OR51I1: variants seen among roughly 807,000 people sequenced by gnomAD.
The protein encoded by OR51I1 is olfactory receptor family 51 subfamily I member 1.
OR51I1 carries 5 observed loss-of-function variants against 6.9 expected under a neutral mutation model. The observed-to-expected ratio is 0.73, with a 90% CI of 0.38 to 1.52. The LOEUF (loss-of-function observed/expected upper bound fraction) is 1.52. Among genes scored for constraint, OR51I1 ranks in the 40% most tolerant of loss-of-function variants. OR51I1 has a pLI of 0.03. For synonymous variants in OR51I1, 183 were observed against 140.3 expected, an observed-to-expected ratio of 1.30 and a Z score of -2.15; for missense variants, 465 against 388.5, an observed-to-expected ratio of 1.20 and a Z score of -1.66.
Position 5,440,945 on chromosome 11 carries a change from T to C in OR51I1, c.570A>G (p.Ala190=). The change falls in exon 1 of 1, where the codon GCA becomes GCG. Residue 190 remains alanine, a synonymous_variant. Coordinates refer to ENST00000380211, the MANE Select transcript of OR51I1 (RefSeq NM_001005288.3). ...YCLHPDLMKV[A]CGDIHVNNIY... is the part of the protein sequence containing the mutation. ...TGTTGTTAACATGGATGTCTCCACATGCTACTTTCATGAGATCTGGATGGA... is the reference window on the plus strand; with the variant it reads ...TGTTGTTAACATGGATGTCTCCACACGCTACTTTCATGAGATCTGGATGGA... The C allele has an allele frequency of 6.2e-7, 1 of 1,613,944 alleles. No homozygotes were observed. Among genetic ancestry groups the C allele is most frequent in the Non-Finnish European group, 8.5e-7 (1 of 1,179,936 alleles).
In OR51I1 at chr11:5,440,819, G is replaced by A; in HGVS notation, c.696C>T (p.Ser232=). Residue 232 remains serine, a synonymous_variant, in exon 1 of 1, where the codon TCC becomes TCT. Transcript: ENST00000380211. ...TGAGTGCCTTGAGCCGCTGTTCCTG[G>A]GATATGATGACCAGCATGGCTCTCA... The part of the protein sequence containing the change: ...LILRAMLVII[S]QEQRLKALNT... 1 of 1,613,846 alleles carries A rather than the reference G, an allele frequency of 6.2e-7. No individual in the cohort carries two copies. The highest frequency in any genetic ancestry group is 8.5e-7 in the Non-Finnish European group (1 of 1,179,914).
chr11:5,440,782 A>G lies in OR51I1; in HGVS notation c.733T>C (p.Ser245Pro). ...AAGGCCAGCACTGCACAGATGTGTG[A>G]CATGCAGGTGTTGAGTGCCTTGAGC... ...QRLKALNTCM[S>P]HICAVLAFYV... The change falls in exon 1 of 1, where the codon TCA becomes CCA. Residue 245 changes from serine (S) to proline (P), a missense_variant. Transcript: ENST00000380211. 1.9e-6 allele frequency: 3 copies of G among 1,613,964 alleles called. No homozygotes were observed. The highest frequency in any genetic ancestry group is 2.5e-6 in the Non-Finnish European group (3 of 1,179,954).
In OR51I1 at chr11:5,440,617, C is replaced by G. The variant is rs267602954; in HGVS notation, c.898G>C (p.Glu300Gln). ...NPIIYSVKTKEIRKGILKFFH... is the reference protein window; with the variant it reads ...NPIIYSVKTKQIRKGILKFFH... ...AACTTGAGAATCCCTTTGCGGATCTCCTTGGTTTTCACACTGTAGATGATA... is the reference window on the plus strand; with the variant it reads ...AACTTGAGAATCCCTTTGCGGATCTGCTTGGTTTTCACACTGTAGATGATA... Residue 300 changes from glutamate to glutamine, a missense_variant, in exon 1 of 1, where the codon GAG becomes CAG. Coordinates refer to ENST00000380211, the MANE Select transcript of OR51I1 (RefSeq NM_001005288.3). 1.9e-6 allele frequency: 3 copies of G among 1,613,630 alleles called. No homozygotes were observed. The highest frequency in any genetic ancestry group is 3.3e-5 in the Admixed American group (2 of 59,960).
At position 5,440,859 on chromosome 11, in the gene OR51I1, GA is replaced by G. The variant is rs1850673852; in HGVS notation, c.655del (p.Ser219ProfsTer4). On this transcript the variant is annotated frameshift_variant, in exon 1 of 1. Coordinates refer to ENST00000380211, the MANE Select transcript of OR51I1 (RefSeq NM_001005288.3). LOFTEE classifies it high-confidence loss of function. The stretch of plus-strand genomic sequence containing the variant: ...CATGGCTCTCAGGATCAATGCGTAG[GA>G]AAGCAGGATGAAAGTTGAGTCCATA... ...YGMDSTFILL[S>X]YALILRAMLV... 1.2e-6 allele frequency: 2 copies of G among 1,613,794 alleles called. No homozygotes were observed. The highest frequency in any genetic ancestry group is 1.7e-6 in the Non-Finnish European group (2 of 1,179,908).
In OR51I1 at chr11:5,441,130, A is replaced by C; in HGVS notation, c.385T>G (p.Cys129Gly). ...ACAGTGACATAGCGTAATGGATAAC[A>C]AATAGCCACAAAGCGATCCAAGCTC... ...AMSLDRFVAICYPLRYVTVLT... is the reference protein window; with the variant it reads ...AMSLDRFVAIGYPLRYVTVLT... Residue 129 changes from cysteine to glycine, a missense_variant, in exon 1 of 1, where the codon TGT becomes GGT. By Grantham distance (159) the Cys-to-Gly change is radical. Coordinates refer to ENST00000380211, the MANE Select transcript of OR51I1 (RefSeq NM_001005288.3). 1 of 1,614,044 alleles carries C rather than the reference A, an allele frequency of 6.2e-7. No individual in the cohort carries two copies. Among genetic ancestry groups the C allele is most frequent in the Non-Finnish European group, 8.5e-7 (1 of 1,179,960 alleles).
Position 5,440,708 on chromosome 11 carries a change from A to T in OR51I1, c.807T>A (p.Ser269Arg). The change falls in exon 1 of 1, where the codon AGT (serine) becomes AGA (arginine). Residue 269 changes from serine to arginine, a missense_variant. Physicochemically the swap from Ser to Arg is moderately radical, Grantham distance 110. Coordinates refer to ENST00000380211, the MANE Select transcript of OR51I1 (RefSeq NM_001005288.3). ...AVSMIHRFWKSAPPVVHVMMS... is the reference protein window; with the variant it reads ...AVSMIHRFWKRAPPVVHVMMS... ...TCATGACATGAACAACAGGTGGAGC[A>T]CTTTTCCAGAAGCGGTGAATCATGG... is the stretch of plus-strand genomic sequence containing the variant. The T allele has an allele frequency of 6.2e-7, 1 of 1,613,980 alleles. No individual in the cohort carries two copies. Among genetic ancestry groups the T allele is most frequent in the Non-Finnish European group, 8.5e-7 (1 of 1,179,920 alleles).
chr11:5,441,161 C>T lies in OR51I1; in HGVS notation c.354G>A (p.Leu118=). The change falls in exon 1 of 1, where the codon CTG becomes CTA. Residue 118 remains leucine, a synonymous_variant. Transcript: ENST00000380211. ...TFSFMESGIL[L]AMSLDRFVAI... ...CCACAAAGCGATCCAAGCTCATGGC[C>T]AGCAGTATGCCTGACTCCATGAAGG... is the stretch of plus-strand genomic sequence containing the variant. 1 of 1,613,992 alleles carries T rather than the reference C, an allele frequency of 6.2e-7. No homozygotes were observed. Among genetic ancestry groups the T allele is most frequent in the South Asian group, 1.1e-5 (1 of 91,084 alleles).
rs137878267 is a variant in OR51I1 at position 5,440,808 on chromosome 11, C to T, written c.707G>A (p.Arg236Gln). 1.1e-4 allele frequency: 185 copies of T among 1,613,810 alleles called. 1 individual carries two copies. The East Asian group carries it at 3.4e-3, about 30-fold the overall frequency. Residue 236 changes from arginine (R) to glutamine (Q), a missense_variant, in exon 1 of 1, where the codon CGG becomes CAG. By Grantham distance (43) the Arg-to-Gln change is conservative (BLOSUM62 1). Transcript: ENST00000380211. ...CATGCAGGTGTTGAGTGCCTTGAGC[C>T]GCTGTTCCTGGGATATGATGACCAG... ...AMLVIISQEQ[R>Q]LKALNTCMSH... is the part of the protein sequence containing the mutation.
rs1850665594 is a variant in OR51I1 at position 5,440,666 on chromosome 11, C to G, written c.849G>C (p.Leu283=). Reference sequence around the variant, plus strand: ...TAGGGTTGAGCATGGGTGGTACAAACAGGTAGACATTGGACATCATGACAT... The same window carrying G: ...TAGGGTTGAGCATGGGTGGTACAAAGAGGTAGACATTGGACATCATGACAT... ...VVHVMMSNVY[L]FVPPMLNPII... The change falls in exon 1 of 1, where the codon CTG becomes CTC. Residue 283 remains leucine, a synonymous_variant. Transcript: ENST00000380211. The G allele has an allele frequency of 1.2e-6, 2 of 1,613,880 alleles. No homozygotes were observed. Among genetic ancestry groups the G allele is most frequent in the Non-Finnish European group, 1.7e-6 (2 of 1,179,874 alleles).
In OR51I1 at chr11:5,440,574, G is replaced by C; in HGVS notation, c.941C>G (p.Ala314Gly). The C allele has an allele frequency of 6.2e-7, 1 of 1,611,338 alleles. No individual in the cohort carries two copies. The highest frequency in any genetic ancestry group is 8.5e-7 in the Non-Finnish European group (1 of 1,177,848). ...TTTTGGGGCCTTCAGCCTTCCTCAG[G>C]CCTGGGATTTATGGAAGAACTTGAG... Reference protein sequence around the residue: ...GILKFFHKSQA With the variant: ...GILKFFHKSQG The change falls in exon 1 of 1, where the codon GCC (alanine) becomes GGC (glycine). Residue 314 changes from alanine (A) to glycine (G), a missense_variant. Transcript: ENST00000380211.
rs764879258 is a variant in OR51I1 at position 5,441,261 on chromosome 11, G to A, written c.254C>T (p.Ser85Phe). Reference sequence around the variant, plus strand: ...ATGGTTGTAGTTGAAGCAGAAAGTAGAAATCACAGTGGGAAGTGTAGAAAA... The same window carrying A: ...ATGGTTGTAGTTGAAGCAGAAAGTAAAAATCACAGTGGGAAGTGTAGAAAA... Reference protein sequence around the residue: ...VSFSTLPTVISTFCFNYNHVA... With the variant: ...VSFSTLPTVIFTFCFNYNHVA... Residue 85 changes from serine (S) to phenylalanine (F), a missense_variant, in exon 1 of 1, where the codon TCT (serine) becomes TTT (phenylalanine). Transcript: ENST00000380211. The A allele has an allele frequency of 2.5e-6, 4 of 1,613,984 alleles. No individual in the cohort carries two copies. The highest frequency in any genetic ancestry group is 2.5e-6 in the Non-Finnish European group (3 of 1,179,922).
At position 5,441,311 on chromosome 11, in the gene OR51I1, G is replaced by A. The variant is rs1287115523; in HGVS notation, c.204C>T (p.Leu68=). 33 of 1,613,816 alleles carry A rather than the reference G, an allele frequency of 2.0e-5. No homozygotes were observed. The highest frequency in any genetic ancestry group is 8.3e-5 in the Admixed American group (5 of 59,940). The change falls in exon 1 of 1, where the codon CTC becomes CTT. Residue 68 remains leucine, a synonymous_variant. Transcript: ENST00000380211. ...HQPMYYFLSM[L]ALNDLGVSFS... ...AGGACACTCCCAGATCATTGAGAGCGAGCATAGAGAGGAAGTAGTACATGG... is the reference window on the plus strand; with the variant it reads ...AGGACACTCCCAGATCATTGAGAGCAAGCATAGAGAGGAAGTAGTACATGG...
Position 5,440,837 on chromosome 11 carries a change from G to C in OR51I1, c.678C>G (p.Ala226=), listed in dbSNP as rs763955626. 7.4e-6 allele frequency: 12 copies of C among 1,613,672 alleles called. No individual in the cohort carries two copies. The Middle Eastern group carries it at 6.6e-4, about 88-fold the overall frequency. ...GTTCCTGGGATATGATGACCAGCAT[G>C]GCTCTCAGGATCAATGCGTAGGAAA... ...ILLSYALILR[A]MLVIISQEQR... is the part of the protein sequence containing the mutation. Residue 226 remains alanine (A), a synonymous_variant, in exon 1 of 1, where the codon GCC becomes GCG. Transcript: ENST00000380211.
chr11:5,441,067 T>A lies in OR51I1; in HGVS notation c.448A>T (p.Ile150Phe). 6.2e-7 allele frequency: 1 copy of A among 1,614,010 alleles called. No homozygotes were observed. The highest frequency in any genetic ancestry group is 8.5e-7 in the Non-Finnish European group (1 of 1,179,964). ...AGAGTGGTGAAACTCTTGGTAAGGA[T>A]GCCCAGACCCATAGCCAATATACGG... is the stretch of plus-strand genomic sequence containing the variant. ...HNRILAMGLG[I>F]LTKSFTTLFP... The change falls in exon 1 of 1, where the codon ATC becomes TTC. Residue 150 changes from isoleucine to phenylalanine, a missense_variant. Transcript: ENST00000380211.
In OR51I1 at chr11:5,440,853, G is replaced by A. The variant is rs1227190589; in HGVS notation, c.662C>T (p.Ala221Val). ...GACCAGCATGGCTCTCAGGATCAAT[G>A]CGTAGGAAAGCAGGATGAAAGTTGA... ...MDSTFILLSY[A>V]LILRAMLVII... The change falls in exon 1 of 1, where the codon GCA (alanine) becomes GTA (valine). Residue 221 changes from alanine to valine, a missense_variant. Transcript: ENST00000380211. 1 of 1,613,826 alleles carries A rather than the reference G, an allele frequency of 6.2e-7. No homozygotes were observed. The highest frequency in any genetic ancestry group is 8.5e-7 in the Non-Finnish European group (1 of 1,179,924).
rs749018707 is a variant in OR51I1 at position 5,441,116 on chromosome 11, G to C, written c.399C>G (p.Arg133=). The C allele has an allele frequency of 9.3e-6, 15 of 1,614,000 alleles. No individual in the cohort carries two copies. Among genetic ancestry groups the C allele is most frequent in the Non-Finnish European group, 1.2e-5 (14 of 1,179,944 alleles). Residue 133 remains arginine (R), a synonymous_variant, in exon 1 of 1, where the codon CGC becomes CGG. Transcript: ENST00000380211. ...GGTTGTGAGTGAGCACAGTGACATA[G>C]CGTAATGGATAACAAATAGCCACAA... ...DRFVAICYPL[R]YVTVLTHNRI... is the part of the protein sequence containing the mutation.
rs770497512 is a variant in OR51I1 at position 5,440,767 on chromosome 11, C to G, written c.748G>C (p.Val250Leu). The G allele has an allele frequency of 3.7e-6, 6 of 1,613,848 alleles. No individual in the cohort carries two copies. The African/African-American group carries it at 8.0e-5, about 22-fold the overall frequency. Reference sequence around the variant, plus strand: ...ATTATGGGCACATAAAAGGCCAGCACTGCACAGATGTGTGACATGCAGGTG... The same window carrying G: ...ATTATGGGCACATAAAAGGCCAGCAGTGCACAGATGTGTGACATGCAGGTG... ...LNTCMSHICA[V>L]LAFYVPIIAV... The change falls in exon 1 of 1, where the codon GTG becomes CTG. Residue 250 changes from valine (V) to leucine (L), a missense_variant. Val to Leu is a conservative substitution (Grantham distance 32). Transcript: ENST00000380211.
Sources: gnomAD v4.1 joint callset for allele counts on GRCh38, gnomAD v4.1.1 for gene constraint, MANE v1.5 for transcripts, NCBI Gene and HGNC (gene_info 2026-07-23, HGNC 2026-07-21) for gene names.